Variants in COL8A1 observed in about 807,000 individuals in gnomAD.
COL8A1 encodes the protein collagen alpha-1(VIII) chain.
A neutral mutation model predicts 42.7 loss-of-function variants in COL8A1; 21 were observed. The ratio of observed to expected loss-of-function variants is 0.49; its 90% CI spans 0.35 to 0.71. COL8A1 has a LOEUF of 0.71. Among genes scored for constraint, COL8A1 ranks in the 30% least tolerant of loss-of-function variants. The probability of loss-of-function intolerance (pLI) is 0.01; values close to 1 mark genes in which losing one functional copy is unlikely to be tolerated. For missense variants in COL8A1, 788 were observed against 962.4 expected (o/e 0.82, Z 2.40); for synonymous variants, 367 against 369.1 (o/e 0.99, Z 0.06).
chr3:99,720,348 G>A (rs1940116266), intron 1 of COL8A1, among the ~76,000 whole-genome samples: 1 of 151,950 alleles, frequency 6.6e-6, no homozygotes, highest in Admixed American at 6.6e-5. Context: ...AAATTTTCAG[G>A]GAAGGAGGTA....
intron 1 of COL8A1, among the ~76,000 whole-genome samples, chr3:99,693,086 A>T (rs1939269020): frequency 6.6e-6 from 1 of 152,184 alleles, no homozygotes; most frequent in South Asian, 2.1e-4. Context: ...GCTACTGGAG[A>T]GGCTGAGGCA....
chr3:99,771,720 C>T (rs547248857), intron 2 of COL8A1, among the ~76,000 whole-genome samples: 1 of 152,308 alleles, frequency 6.6e-6, no homozygotes, highest in East Asian at 1.9e-4. Flanking sequence ...ATAATGCTAA[C>T]TGTGAAGATG....
chr3:99,681,293 GA>G (rs575673515), intron 1 of COL8A1, among the ~76,000 whole-genome samples: 1 of 151,770 alleles, frequency 6.6e-6, no homozygotes, highest in African/African-American at 2.4e-5. Context: ...AAATTTACAA[GA>G]AAAAAAATCA....
At chr3:99,728,549 A>T (rs1940405463) in intron 1 of COL8A1, among the ~76,000 whole-genome samples, 1 of 152,042 alleles carries the variant, frequency 6.6e-6, no homozygotes, top group African/African-American at 2.4e-5. Flanking sequence ...TCAACAATTA[A>T]TCTTAAACAG....
At chr3:99,790,173 T>C (rs1941972606) in intron 2 of COL8A1, among the ~76,000 whole-genome samples, 1 of 152,220 alleles carries the variant, frequency 6.6e-6, no homozygotes, top group Admixed American at 6.5e-5. Context: ...CTCTGTGCAC[T>C]GCATTCGCCT....
At chr3:99,702,140 G>A (rs983999801) in intron 1 of COL8A1, among the ~76,000 whole-genome samples, 6 of 152,156 alleles carry the variant, frequency 3.9e-5, no homozygotes, top group African/African-American at 9.6e-5. Flanking sequence ...TCTGAATTTC[G>A]GGCTAAGCAT....
At chr3:99,658,364 C>T in intron 1 of COL8A1, among the ~76,000 whole-genome samples, 1 of 152,168 alleles carries the variant, frequency 6.6e-6, no homozygotes, top group East Asian at 1.9e-4. Context: ...CCAGAACACC[C>T]TGCCTTCTCA....
chr3:99,645,194 T>C (rs985599524), intron 1 of COL8A1, among the ~76,000 whole-genome samples: 12 of 152,206 alleles, frequency 7.9e-5, no homozygotes, highest in Admixed American at 6.5e-4. Context: ...TACATTATTG[T>C]ATTTCTTTAA....
chr3:99,732,170 C>A (rs1005531233), intron 1 of COL8A1, among the ~76,000 whole-genome samples: 22 of 152,102 alleles, frequency 1.4e-4, no homozygotes, highest in Admixed American at 6.6e-5. Context: ...TTAATGCATT[C>A]TTATTTATAA....
At chr3:99,725,210 C>A (rs1359730065) in intron 1 of COL8A1, among the ~76,000 whole-genome samples, 1 of 151,978 alleles carries the variant, frequency 6.6e-6, no homozygotes, top group Non-Finnish European at 1.5e-5. Flanking sequence ...GAGGAATCAT[C>A]CAAGAGTTGG....
rs147643008 is a variant in COL8A1 at position 99,661,086 on chromosome 3, G to A, written c.-129+22422G>A. 4.1e-3 allele frequency among the ~76,000 whole-genome samples: 619 copies of A among 152,216 alleles called. 9 individuals carry two copies. Among genetic ancestry groups the A allele is most frequent in the Admixed American group, 0.029 (449 of 15,292 alleles). ...TATCCTTCTCACATGTAAGATAAAC[G>A]TGCAAAGATGAATATGTATGTCTTA... On this transcript the variant is annotated intron_variant, in intron 1 of 3. Transcript: ENST00000652472.
intron 1 of COL8A1, among the ~76,000 whole-genome samples, chr3:99,735,594 A>G (rs912641045): frequency 2.0e-5 from 3 of 150,030 alleles, no homozygotes; most frequent in Admixed American, 2.0e-4. Context: ...TTCATCAAGG[A>G]TATTGGTCTA....
At chr3:99,651,210 T>C (rs1238892623) in intron 1 of COL8A1, among the ~76,000 whole-genome samples, 3 of 151,612 alleles carry the variant, frequency 2.0e-5, no homozygotes, top group African/African-American at 7.3e-5. Flanking sequence ...ATCTCATTTC[T>C]TTTCCCTTTG....
At chr3:99,688,523 A>G (rs548944024) in intron 1 of COL8A1, among the ~76,000 whole-genome samples, 2 of 152,270 alleles carry the variant, frequency 1.3e-5, no homozygotes, top group East Asian at 3.9e-4. Flanking sequence ...GCAATCCAGG[A>G]TAGTCACCCC....
intron 1 of COL8A1, among the ~76,000 whole-genome samples, chr3:99,639,697 C>A (rs1280530409): frequency 2.0e-5 from 3 of 152,322 alleles, no homozygotes; most frequent in South Asian, 2.1e-4. Flanking sequence ...AAACCAGACA[C>A]TTGGTCCATG....
At chr3:99,726,035 T>C (rs1413753712) in intron 1 of COL8A1, among the ~76,000 whole-genome samples, 1 of 152,200 alleles carries the variant, frequency 6.6e-6, no homozygotes, top group African/African-American at 2.4e-5. Context: ...TCACCAGCAA[T>C]GTAAAAGTGT....
intron 2 of COL8A1, among the ~76,000 whole-genome samples, chr3:99,765,540 T>C (rs1318506238): frequency 6.6e-6 from 1 of 152,266 alleles, no homozygotes; most frequent in Non-Finnish European, 1.5e-5. Context: ...TCTTTTGTGA[T>C]GTTAACATTT....
intron 1 of COL8A1, among the ~76,000 whole-genome samples, chr3:99,671,528 CATT>C (rs915761141): frequency 1.3e-5 from 2 of 152,096 alleles, no homozygotes; most frequent in African/African-American, 4.8e-5. Flanking sequence ...TAACTGTAGT[CATT>C]ATGATGTACA....
chr3:99,687,764 C>A (rs1296880169), intron 1 of COL8A1, among the ~76,000 whole-genome samples: 1 of 152,152 alleles, frequency 6.6e-6, no homozygotes, highest in African/African-American at 2.4e-5. Flanking sequence ...ACCAGCTTAA[C>A]ATAGTTGTAA....
Sources: gnomAD v4.1 joint callset for allele counts (sites outside exome capture counted in the v4.1 genomes callset) on GRCh38, gnomAD v4.1.1 for gene constraint, MANE v1.5 for transcripts, NCBI Gene and HGNC (gene_info 2026-07-23, HGNC 2026-07-21) for gene names.